Variants in KIAA0825 observed in about 807,000 individuals in gnomAD.
KIAA0825 encodes the protein uncharacterized protein KIAA0825.
In KIAA0825, 119 loss-of-function variants were observed where a neutral mutation model predicts 147.6. The observed-to-expected ratio is 0.81, with a 90% CI of 0.69 to 0.94. KIAA0825 has a LOEUF of 0.94. KIAA0825 is among the 40% of genes least tolerant of loss of function. The pLI, the probability that KIAA0825 is intolerant of heterozygous loss-of-function variation, is 0.00. For missense variants in KIAA0825, 1,381 were observed against 1,472.7 expected, an observed-to-expected ratio of 0.94 and a Z score of 1.02; for synonymous variants, 470 against 518.1, an observed-to-expected ratio of 0.91 and a Z score of 1.26.
At chr5:94,200,619 G>A (rs1253589177) in intron 20 of KIAA0825, among the ~76,000 whole-genome samples, 1 of 151,966 alleles carries the variant, frequency 6.6e-6, no homozygotes, top group East Asian at 1.9e-4. Context: ...AGGTGGGTAG[G>A]CAGTCATCCA....
In KIAA0825 at chr5:94,537,022, A is replaced by T. The variant is rs752774197; in HGVS notation, c.105T>A (p.Asp35Glu). The T allele has an allele frequency of 6.2e-7, 1 of 1,606,170 alleles. No homozygotes were observed. The highest frequency in any genetic ancestry group is 8.5e-7 in the Non-Finnish European group (1 of 1,174,724). ...LEFEQIFSDI[D>E]EKIEQNAASI... is the part of the protein sequence containing the mutation. ...TTGCAGCATTTTGTTCAATCTTTTCATCAATGTCACTGAAGATCTGCTCAA... is the reference window on the plus strand; with the variant it reads ...TTGCAGCATTTTGTTCAATCTTTTCTTCAATGTCACTGAAGATCTGCTCAA... The change falls in exon 3 of 21, where the codon GAT (aspartate) becomes GAA (glutamate). Residue 35 changes from aspartate to glutamate, a missense_variant. By Grantham distance (45) the Asp-to-Glu change is conservative. Transcript: ENST00000682413.
At chr5:94,573,734 A>G (rs1329617448) in intron 2 of KIAA0825, among the ~76,000 whole-genome samples, 1 of 152,372 alleles carries the variant, frequency 6.6e-6, no homozygotes, top group East Asian at 1.9e-4. Flanking sequence ...TTACAGATGC[A>G]GATATTCCCC....
intron 20 of KIAA0825, among the ~76,000 whole-genome samples, chr5:94,382,531 G>C (rs573032698): frequency 1.5e-4 from 23 of 152,154 alleles, no homozygotes; most frequent in Non-Finnish European, 2.5e-4. Context: ...ATCATAGCTC[G>C]TGTGCGGTAG....
intron 2 of KIAA0825, among the ~76,000 whole-genome samples, chr5:94,579,299 G>T (rs1378662041): frequency 1.3e-5 from 2 of 152,086 alleles, no homozygotes; most frequent in Non-Finnish European, 2.9e-5. Context: ...TACTACATCC[G>T]TAAACGAGTG....
At chr5:94,298,048 C>T (rs1778218446) in intron 20 of KIAA0825, among the ~76,000 whole-genome samples, 1 of 150,200 alleles carries the variant, frequency 6.7e-6, no homozygotes, top group African/African-American at 2.4e-5. Flanking sequence ...AGTTTGAGAC[C>T]AGCCTGGCCA....
At chr5:94,367,677 A>C (rs1375446506) in intron 20 of KIAA0825, among the ~76,000 whole-genome samples, 1 of 152,230 alleles carries the variant, frequency 6.6e-6, no homozygotes, top group African/African-American at 2.4e-5. Context: ...GATGCTACAG[A>C]CAATGTGTCA....
intron 1 of KIAA0825, among the ~76,000 whole-genome samples, chr5:94,591,256 T>C (rs775778839): frequency 9.9e-5 from 15 of 152,220 alleles, no homozygotes; most frequent in Non-Finnish European, 1.9e-4. Flanking sequence ...CTGATATCCA[T>C]GGCAGAGAGT....
chr5:94,475,288 A>T (rs557028716), intron 7 of KIAA0825, among the ~76,000 whole-genome samples: 1 of 152,274 alleles, frequency 6.6e-6, no homozygotes, highest in East Asian at 1.9e-4. Flanking sequence ...TGTTTTCCCT[A>T]TCAGGGCATG....
intron 20 of KIAA0825, among the ~76,000 whole-genome samples, chr5:94,247,458 C>T (rs2150114341): frequency 1.3e-5 from 2 of 152,086 alleles, no homozygotes; most frequent in East Asian, 3.9e-4. Flanking sequence ...TTACATCGAC[C>T]CAGGGGAAAT....
At chr5:94,295,677 C>A (rs1046137839) in intron 20 of KIAA0825, among the ~76,000 whole-genome samples, 1 of 152,178 alleles carries the variant, frequency 6.6e-6, no homozygotes, top group African/African-American at 2.4e-5. Flanking sequence ...AACAGTCAGG[C>A]CCTTCTGCTG....
At chr5:94,328,296 T>C (rs1047850967) in intron 20 of KIAA0825, among the ~76,000 whole-genome samples, 7 of 152,188 alleles carry the variant, frequency 4.6e-5, no homozygotes, top group African/African-American at 1.7e-4. Context: ...ATTATAAAAA[T>C]GTTATGTAAG....
chr5:94,359,071 GAAT>G (rs1744709868), intron 20 of KIAA0825, among the ~76,000 whole-genome samples: 1 of 152,142 alleles, frequency 6.6e-6, no homozygotes, highest in Non-Finnish European at 1.5e-5. Flanking sequence ...AGACTTACCT[GAAT>G]AATGTCAACA....
intron 16 of KIAA0825, among the ~76,000 whole-genome samples, chr5:94,398,527 T>C (rs1750969869): frequency 6.6e-6 from 1 of 152,180 alleles, no homozygotes; most frequent in African/African-American, 2.4e-5. Flanking sequence ...TCTCCTCTCT[T>C]GTGAATTTAT....
At chr5:94,615,604 A>G (rs1315666947) in intron 1 of KIAA0825, 2 of 152,234 alleles carry the variant, frequency 1.3e-5, no homozygotes, top group Non-Finnish European at 2.9e-5. Flanking sequence ...AAACACAGAA[A>G]AATATTAGAT....
At chr5:94,545,038 AG>A (rs1166857503) in intron 2 of KIAA0825, among the ~76,000 whole-genome samples, 1 of 151,704 alleles carries the variant, frequency 6.6e-6, no homozygotes, top group Admixed American at 6.6e-5. Context: ...CACTTAGAAG[AG>A]GGAGAGCACA....
intron 12 of KIAA0825, among the ~76,000 whole-genome samples, chr5:94,456,284 C>G (rs1274279958): frequency 2.0e-5 from 3 of 152,160 alleles, no homozygotes; most frequent in Non-Finnish European, 4.4e-5. Flanking sequence ...AGAATGAATA[C>G]CTTACCTAGA....
At chr5:94,434,195 T>TA (rs1756052192) in intron 14 of KIAA0825, among the ~76,000 whole-genome samples, 1 of 152,270 alleles carries the variant, frequency 6.6e-6, no homozygotes, top group Non-Finnish European at 1.5e-5. Context: ...ACCTACCATG[T>TA]GAAATCAGTT....
chr5:94,556,704 C>G (rs1776605053), intron 2 of KIAA0825, among the ~76,000 whole-genome samples: 1 of 152,182 alleles, frequency 6.6e-6, no homozygotes. Context: ...CATCAATATC[C>G]CTTTCAGCAG....
chr5:94,465,410 T>C (rs1249674504), intron 10 of KIAA0825, among the ~76,000 whole-genome samples: 2 of 152,208 alleles, frequency 1.3e-5, no homozygotes, highest in African/African-American at 2.4e-5. Flanking sequence ...CTGATTCTTC[T>C]AAAATTAAAA....
Sources: allele counts gnomAD v4.1 joint callset (sites outside exome capture counted in the v4.1 genomes callset), GRCh38; gene constraint gnomAD v4.1.1; transcripts MANE v1.5; gene names NCBI Gene and HGNC (gene_info 2026-07-23, HGNC 2026-07-21).